Variants in DYNC1I1 observed in about 807,000 individuals in gnomAD.
DYNC1I1 encodes dynein cytoplasmic 1 intermediate chain 1, also known as cytoplasmic dynein 1 intermediate chain 1.
Under a neutral mutation model 86.6 loss-of-function variants are expected in DYNC1I1, and 43 were observed. The observed-to-expected ratio is 0.50, with a 90% CI of 0.39 to 0.64. The LOEUF (loss-of-function observed/expected upper bound fraction) is 0.64. Ranked by LOEUF, DYNC1I1 falls within the 30% of genes least tolerant of loss-of-function variation. The pLI is 0.00. For missense variants in DYNC1I1, 604 were observed against 788.8 expected (o/e 0.77, Z 2.81); for synonymous variants, 262 against 283.7 (o/e 0.92, Z 0.77).
chr7:96,083,611 G>A (rs1790588595), intron 16 of DYNC1I1, among the ~76,000 whole-genome samples: 1 of 152,134 alleles, frequency 6.6e-6, no homozygotes, highest in Non-Finnish European at 1.5e-5. Context: ...CTAAACTGCG[G>A]AAGGCCAGAT....
chr7:96,041,949 T>G (rs1789064669), intron 14 of DYNC1I1, among the ~76,000 whole-genome samples: 1 of 152,188 alleles, frequency 6.6e-6, no homozygotes, highest in South Asian at 2.1e-4. Flanking sequence ...CTAAAAAATT[T>G]AAAGTAACAT....
chr7:96,033,267 T>C (rs763202686), intron 12 of DYNC1I1, among the ~76,000 whole-genome samples: 12 of 152,200 alleles, frequency 7.9e-5, no homozygotes, highest in Non-Finnish European at 1.6e-4. Flanking sequence ...GAATGTTTTT[T>C]AGTATGGCTC....
chr7:95,804,282 G>A, intron 1 of DYNC1I1: 16 of 926,830 alleles, frequency 1.7e-5, no homozygotes, highest in Non-Finnish European at 2.3e-5. Context: ...TTTGAGCAGG[G>A]CATATCTCTA....
chr7:95,846,909 C>T (rs1157298415), intron 5 of DYNC1I1, among the ~76,000 whole-genome samples: 1 of 152,136 alleles, frequency 6.6e-6, no homozygotes, highest in Non-Finnish European at 1.5e-5. Flanking sequence ...TTCTATAGAT[C>T]CAACATTTTC....
intron 16 of DYNC1I1, among the ~76,000 whole-genome samples, chr7:96,085,697 G>A (rs1344611054): frequency 6.6e-6 from 1 of 152,080 alleles, no homozygotes; most frequent in Non-Finnish European, 1.5e-5. Flanking sequence ...CTCTATTTGT[G>A]CCTTCAAAAG....
downstream of DYNC1I1, chr7:96,110,217 C>A (rs1791292408): frequency 3.6e-6 from 1 of 274,124 alleles, no homozygotes; most frequent in African/African-American, 2.4e-5. Context: ...TATTAGGTGC[C>A]TACATATTGA....
At chr7:95,880,536 C>A (rs1790425713) in intron 6 of DYNC1I1, among the ~76,000 whole-genome samples, 1 of 152,054 alleles carries the variant, frequency 6.6e-6, no homozygotes, top group Non-Finnish European at 1.5e-5. Context: ...AGAGGGGATG[C>A]CTGTCAGGTC....
At chr7:95,928,136 C>T (rs1791794489) in intron 6 of DYNC1I1, among the ~76,000 whole-genome samples, 2 of 152,266 alleles carry the variant, frequency 1.3e-5, no homozygotes, top group Non-Finnish European at 2.9e-5. Flanking sequence ...TTCCTGCCTC[C>T]CAACTAGTAC....
At chr7:95,953,890 C>T (rs1469661301) in intron 6 of DYNC1I1, among the ~76,000 whole-genome samples, 1 of 152,150 alleles carries the variant, frequency 6.6e-6, no homozygotes, top group Non-Finnish European at 1.5e-5. Flanking sequence ...TTACTTGTGA[C>T]TTAATTCTAT....
At chr7:95,923,471 A>C (rs1446064593) in intron 6 of DYNC1I1, among the ~76,000 whole-genome samples, 1 of 152,102 alleles carries the variant, frequency 6.6e-6, no homozygotes, top group African/African-American at 2.4e-5. Context: ...TATTTCGCTT[A>C]TTTTGCCATC....
chr7:95,974,292 C>T (rs1027739245), intron 6 of DYNC1I1, among the ~76,000 whole-genome samples: 1 of 152,126 alleles, frequency 6.6e-6, no homozygotes, highest in Admixed American at 6.6e-5. Context: ...CTGTCTTGTT[C>T]CCTGGTGTGT....
intron 1 of DYNC1I1, among the ~76,000 whole-genome samples, chr7:95,773,591 A>C (rs1051194797): frequency 6.6e-6 from 1 of 152,126 alleles, no homozygotes; most frequent in Non-Finnish European, 1.5e-5. Context: ...ACTCAACAAC[A>C]TGCAGAAGAT....
intron 6 of DYNC1I1, among the ~76,000 whole-genome samples, chr7:95,883,879 A>C (rs1291712549): frequency 6.6e-6 from 1 of 151,672 alleles, no homozygotes; most frequent in Non-Finnish European, 1.5e-5. Flanking sequence ...GACGATTCTC[A>C]GCATCAGTTT....
At chr7:96,106,471 G>T (rs565415419) in intron 16 of DYNC1I1, among the ~76,000 whole-genome samples, 2 of 151,996 alleles carry the variant, frequency 1.3e-5, no homozygotes, top group Non-Finnish European at 2.9e-5. Context: ...AGAGGCGGAG[G>T]TTAAAGTGAG....
At chr7:96,071,920 A>G (rs1189031418) in intron 14 of DYNC1I1, among the ~76,000 whole-genome samples, 1 of 152,206 alleles carries the variant, frequency 6.6e-6, no homozygotes, top group Non-Finnish European at 1.5e-5. Flanking sequence ...GCTATGTTTT[A>G]TAGAAGGACC....
At chr7:95,785,858 C>T (rs1794131400) in intron 1 of DYNC1I1, among the ~76,000 whole-genome samples, 1 of 142,866 alleles carries the variant, frequency 7.0e-6, no homozygotes, top group East Asian at 2.1e-4. Flanking sequence ...GGAGAGATTA[C>T]TAGGGGTATG....
At chr7:96,037,745 G>A (rs538491189) in intron 13 of DYNC1I1, among the ~76,000 whole-genome samples, 1 of 152,228 alleles carries the variant, frequency 6.6e-6, no homozygotes, top group African/African-American at 2.4e-5. Context: ...TGGTTCAAAA[G>A]AAGGGTCCCT....
At position 95,924,696 on chromosome 7, in the gene DYNC1I1, G is replaced by A. The variant is rs1376763442; in HGVS notation, c.491-52816G>A. Among the ~76,000 whole-genome samples, 5 of 152,164 alleles carry A rather than the reference G, an allele frequency of 3.3e-5. No homozygotes were observed. The East Asian group carries it at 9.6e-4, about 29-fold the overall frequency. On this transcript the variant is annotated intron_variant, in intron 6 of 16. Transcript: ENST00000447467. Reference sequence around the variant, plus strand: ...AATTTTGATGGGAGGCTGAGAATTAGATCAAGCTCTGTTTATCCAAAAACA... The same window carrying A: ...AATTTTGATGGGAGGCTGAGAATTAAATCAAGCTCTGTTTATCCAAAAACA...
At chr7:95,818,286 C>A (rs1301113157) in intron 4 of DYNC1I1, among the ~76,000 whole-genome samples, 2 of 150,484 alleles carry the variant, frequency 1.3e-5, no homozygotes, top group Non-Finnish European at 3.0e-5. Context: ...TTTAAGCCCT[C>A]CTCCAACATT....
Sources: allele counts gnomAD v4.1 joint callset (sites outside exome capture counted in the v4.1 genomes callset), GRCh38; gene constraint gnomAD v4.1.1; transcripts MANE v1.5; gene names NCBI Gene and HGNC (gene_info 2026-07-23, HGNC 2026-07-21).